ZNF654: variants seen among roughly 807,000 people sequenced by gnomAD.
The protein encoded by ZNF654 is melanoma-associated antigen.
In ZNF654, 19 loss-of-function variants were observed where a neutral mutation model predicts 95.3. The ratio of observed to expected loss-of-function variants is 0.20; its 90% CI spans 0.14 to 0.29. The LOEUF is 0.29. Among genes scored for constraint, ZNF654 ranks in the 10% least tolerant of loss-of-function variants. The pLI, the probability that ZNF654 is intolerant of heterozygous loss-of-function variation, is 1.00. For missense variants in ZNF654, 1,046 were observed against 1,341.0 expected, an observed-to-expected ratio of 0.78 and a Z score of 3.44; for synonymous variants, 413 against 457.9, an observed-to-expected ratio of 0.90 and a Z score of 1.25.
intron 1 of ZNF654, among the ~76,000 whole-genome samples, chr3:88,074,460 G>T (rs4858991): frequency 1.3e-5 from 2 of 151,550 alleles, no homozygotes; most frequent in Non-Finnish European, 2.9e-5. Context: ...TCCTGCCTCA[G>T]CCTCCCAAGT....
rs780949287 is a variant in ZNF654 at position 88,082,129 on chromosome 3, AT to A, written c.187-4112del. On this transcript the variant is annotated intron_variant, in intron 1 of 8. Transcript: ENST00000636215. ...GACACGTCTTCTGGTTTGTTAATCAATTTTTTTTTTTTTTTTGAGATGGAGT... is the reference window on the plus strand; with the variant it reads ...GACACGTCTTCTGGTTTGTTAATCAATTTTTTTTTTTTTTTGAGATGGAGT... 4.8e-3 allele frequency among the ~76,000 whole-genome samples: 673 copies of A among 141,568 alleles called. 2 individuals are homozygous for A. The highest frequency in any genetic ancestry group is 8.0e-3 in the African/African-American group (308 of 38,714). The allele number at this position is 141,568 out of a possible 152,430, so 92.9% of individuals were successfully genotyped here.
At chr3:88,123,181 G>A (rs1705884488) in intron 3 of ZNF654, among the ~76,000 whole-genome samples, 1 of 152,068 alleles carries the variant, frequency 6.6e-6, no homozygotes. Flanking sequence ...GGAACGAGGA[G>A]CCAAAAAATA....
chr3:88,105,589 GC>G (rs1239373280), intron 2 of ZNF654, among the ~76,000 whole-genome samples: 2 of 152,102 alleles, frequency 1.3e-5, no homozygotes, highest in Non-Finnish European at 2.9e-5. Context: ...TGCTAAATAT[GC>G]CCAGTGTTCC....
At chr3:88,113,531 C>T (rs902237668) in intron 3 of ZNF654, among the ~76,000 whole-genome samples, 7 of 152,090 alleles carry the variant, frequency 4.6e-5, no homozygotes, top group South Asian at 4.1e-4. Flanking sequence ...GCCACTTTTT[C>T]CCTTGGCTGT....
Position 88,071,861 on chromosome 3 carries a change from C to A in ZNF654, c.186+12356C>A, listed in dbSNP as rs1707533985. The stretch of plus-strand genomic sequence containing the variant: ...ACTTCACTTTTGAAGCCATTTTGTA[C>A]TGTACTTTTAAGACTTTTTATCTTC... On this transcript the variant is annotated intron_variant, in intron 1 of 8. Coordinates refer to ENST00000636215, the MANE Select transcript of ZNF654 (RefSeq NM_001350134.2). Among the ~76,000 whole-genome samples, 3 of 152,154 alleles carry A rather than the reference C, an allele frequency of 2.0e-5. No homozygotes were observed. In the South Asian group the frequency reaches 6.2e-4, roughly 31 times the overall value.
intron 1 of ZNF654, among the ~76,000 whole-genome samples, chr3:88,069,705 A>T (rs1033421003): frequency 6.6e-6 from 1 of 152,306 alleles, no homozygotes; most frequent in African/African-American, 2.4e-5. Flanking sequence ...AGTTGACATT[A>T]TAGAGTGTTA....
At chr3:88,093,609 A>G (rs1450638350) in intron 2 of ZNF654, among the ~76,000 whole-genome samples, 2 of 152,170 alleles carry the variant, frequency 1.3e-5, no homozygotes, top group Non-Finnish European at 2.9e-5. Flanking sequence ...TCAGTCTCTT[A>G]TTTTGAGTGG....
chr3:88,121,809 G>T (rs1454944253), intron 3 of ZNF654, among the ~76,000 whole-genome samples: 1 of 152,076 alleles, frequency 6.6e-6, no homozygotes, highest in Non-Finnish European at 1.5e-5. Context: ...TTAATTTGCT[G>T]CAGTAACTTG....
intron 1 of ZNF654, among the ~76,000 whole-genome samples, chr3:88,067,958 G>A (rs1248464628): frequency 1.3e-5 from 2 of 151,878 alleles, no homozygotes; most frequent in Non-Finnish European, 2.9e-5. Flanking sequence ...CATTTGAAAG[G>A]AAGATACAAA....
At chr3:88,068,012 G>A (rs1287302706) in intron 1 of ZNF654, among the ~76,000 whole-genome samples, 2 of 152,072 alleles carry the variant, frequency 1.3e-5, no homozygotes, top group African/African-American at 2.4e-5. Flanking sequence ...CCCCTGAAGG[G>A]GAGTAAGGAC....
In ZNF654 at chr3:88,079,651, G is replaced by A. The variant is rs73844857; in HGVS notation, c.187-6606G>A. On this transcript the variant is annotated intron_variant, in intron 1 of 8. Transcript: ENST00000636215. Reference sequence around the variant, plus strand: ...GTAATGGGTATTTTTGCTCTGGTTGGTAGGTTGGACTAGATAATCTTCAAG... The same window carrying A: ...GTAATGGGTATTTTTGCTCTGGTTGATAGGTTGGACTAGATAATCTTCAAG... Among the ~76,000 whole-genome samples the A allele has an allele frequency of 3.0e-3, 463 of 152,066 alleles. 3 individuals are homozygous for A. Among genetic ancestry groups the A allele is most frequent in the African/African-American group, 0.011 (445 of 41,518 alleles).
intron 6 of ZNF654, among the ~76,000 whole-genome samples, chr3:88,131,099 C>CTGGA (rs1706431579): frequency 6.6e-6 from 1 of 152,088 alleles, no homozygotes; most frequent in African/African-American, 2.4e-5. Flanking sequence ...TACTGCACAT[C>CTGGA]TGGGCTATAT....
intron 6 of ZNF654, among the ~76,000 whole-genome samples, chr3:88,132,088 A>G (rs1478634619): frequency 6.6e-6 from 1 of 152,152 alleles, no homozygotes; most frequent in Non-Finnish European, 1.5e-5. Context: ...CATTTAACCC[A>G]ACAAGCTTAT....
chr3:88,138,156 TC>T (rs1475981277), intron 7 of ZNF654, among the ~76,000 whole-genome samples: 1 of 152,154 alleles, frequency 6.6e-6, no homozygotes, highest in African/African-American at 2.4e-5. Flanking sequence ...ATAACTGCCT[TC>T]TTTATGTGTG....
At chr3:88,117,474 G>T (rs911067699) in intron 3 of ZNF654, among the ~76,000 whole-genome samples, 1 of 152,074 alleles carries the variant, frequency 6.6e-6, no homozygotes, top group Non-Finnish European at 1.5e-5. Context: ...TAGAGCAACA[G>T]AAATAAATAG....
intron 1 of ZNF654, among the ~76,000 whole-genome samples, chr3:88,085,180 C>G (rs9845776): frequency 0.78 from 119,158 of 152,080 alleles, 47,600 homozygotes; most frequent in South Asian, 0.91. Context: ...CTTGGCTTTT[C>G]TATTCTAGTT....
At chr3:88,082,249 C>T (rs1354013027) in intron 1 of ZNF654, among the ~76,000 whole-genome samples, 5 of 151,986 alleles carry the variant, frequency 3.3e-5, no homozygotes, top group African/African-American at 4.8e-5. Context: ...GCCTCAGCCT[C>T]CCAAGTAGCT....
chr3:88,097,813 T>G (rs115019733), intron 2 of ZNF654, among the ~76,000 whole-genome samples: 11,959 of 152,076 alleles, frequency 0.079, 528 homozygotes, highest in Non-Finnish European at 0.1. Flanking sequence ...TAACAGAATA[T>G]CTGCGACACA....
chr3:88,064,704 A>G (rs562202319), intron 1 of ZNF654, among the ~76,000 whole-genome samples: 4 of 152,292 alleles, frequency 2.6e-5, no homozygotes, highest in East Asian at 3.9e-4. Context: ...CCATCTGTAG[A>G]TATCTCTCCT....
Sources: gnomAD v4.1 joint callset for allele counts (sites outside exome capture counted in the v4.1 genomes callset) on GRCh38, gnomAD v4.1.1 for gene constraint, MANE v1.5 for transcripts, NCBI Gene and HGNC (gene_info 2026-07-23, HGNC 2026-07-21) for gene names.